MCF2L2: variants seen among roughly 807,000 people sequenced by gnomAD.
MCF2L2 encodes the protein MCF.2 cell line derived transforming sequence-like 2.
Under a neutral mutation model 150.2 loss-of-function variants are expected in MCF2L2, and 102 were observed. The ratio of observed to expected loss-of-function variants is 0.68; its 90% CI spans 0.58 to 0.80. The LOEUF (loss-of-function observed/expected upper bound fraction) is 0.80, where lower values mean the gene tolerates loss of function less well. Among genes scored for constraint, MCF2L2 ranks in the 30% least tolerant of loss-of-function variants. The probability of loss-of-function intolerance (pLI) is 0.00; values close to 1 mark genes in which losing one functional copy is unlikely to be tolerated. For synonymous variants in MCF2L2, 465 were observed against 491.3 expected (o/e 0.95, Z 0.71); for missense variants, 1,256 against 1,372.8 (o/e 0.91, Z 1.34).
intron 1 of MCF2L2, among the ~76,000 whole-genome samples, chr3:183,426,145 T>G (rs1203335039): frequency 2.0e-5 from 3 of 152,140 alleles, no homozygotes; most frequent in African/African-American, 7.2e-5. Flanking sequence ...AATTCCTATG[T>G]GTATCCTGCA....
chr3:183,278,700 G>A (rs968779960), intron 14 of MCF2L2, among the ~76,000 whole-genome samples: 23 of 152,136 alleles, frequency 1.5e-4, no homozygotes, highest in Admixed American at 1.3e-4. Flanking sequence ...ATTATAAAAT[G>A]AATTGTGCTC....
At chr3:183,208,705 G>A (rs533957825) in intron 22 of MCF2L2, among the ~76,000 whole-genome samples, 38 of 152,314 alleles carry the variant, frequency 2.5e-4, no homozygotes, top group African/African-American at 8.9e-4. Context: ...ATTTGAAGGG[G>A]ACCAAGACAA....
intron 1 of MCF2L2, among the ~76,000 whole-genome samples, chr3:183,405,743 G>T (rs559681844): frequency 6.6e-6 from 1 of 152,238 alleles, no homozygotes; most frequent in African/African-American, 2.4e-5. Flanking sequence ...TTTAGACAGG[G>T]TCTCACTCTG....
chr3:183,394,521 C>A (rs1714335527), intron 1 of MCF2L2, among the ~76,000 whole-genome samples: 1 of 152,232 alleles, frequency 6.6e-6, no homozygotes, highest in Non-Finnish European at 1.5e-5. Context: ...GGGCATAATG[C>A]ATTTCACTGC....
intron 3 of MCF2L2, among the ~76,000 whole-genome samples, chr3:183,359,003 G>GTTTTTT (rs111465269): frequency 1.1e-4 from 16 of 143,370 alleles, no homozygotes; most frequent in African/African-American, 3.8e-4. Flanking sequence ...AGTTCATTGG[G>GTTTTTT]TTTTTTTTTT....
At position 183,195,081 on chromosome 3, in the gene MCF2L2, C is replaced by A. The variant is rs575284; in HGVS notation, c.2918+141G>T. 3.5e-3 allele frequency: 2,549 copies of A among 727,256 alleles called. 14 individuals are homozygous for A. The highest frequency in any genetic ancestry group is 5.1e-3 in the Non-Finnish European group (2,281 of 444,208). 45.1% of individuals were successfully genotyped at this position (727,256 alleles called of 1,614,324 possible). On this transcript the variant is annotated intron_variant, in intron 26 of 29. Coordinates refer to ENST00000328913, the MANE Select transcript of MCF2L2 (RefSeq NM_015078.4). ...TACAGGCGTGAGCCACTGCGCCCAGCCAATATTTTTTAAAAATTGGAAATC... is the reference window on the plus strand; with the variant it reads ...TACAGGCGTGAGCCACTGCGCCCAGACAATATTTTTTAAAAATTGGAAATC...
intron 1 of MCF2L2, among the ~76,000 whole-genome samples, chr3:183,426,562 G>T (rs1716175543): frequency 6.6e-6 from 1 of 152,154 alleles, no homozygotes; most frequent in African/African-American, 2.4e-5. Flanking sequence ...ACTTGTCCAG[G>T]GAAAGATTCA....
chr3:183,276,986 T>A, intron 14 of MCF2L2, 29 bp from the exon 15 acceptor site: 1 of 1,481,308 alleles, frequency 6.8e-7, no homozygotes, highest in Non-Finnish European at 9.3e-7. Context: ...TGGTAAGATT[T>A]GATATTGTAG....
intron 4 of MCF2L2, among the ~76,000 whole-genome samples, chr3:183,341,024 G>A (rs1730674622): frequency 6.6e-6 from 1 of 152,210 alleles, no homozygotes; most frequent in African/African-American, 2.4e-5. Flanking sequence ...AAGGATTTAA[G>A]TACAGGTAGT....
chr3:183,406,866 A>T (rs1006981841), intron 1 of MCF2L2, among the ~76,000 whole-genome samples: 1 of 152,198 alleles, frequency 6.6e-6, no homozygotes, highest in Non-Finnish European at 1.5e-5. Flanking sequence ...AGAAAAAAAA[A>T]TGTCAACGTT....
intron 3 of MCF2L2, among the ~76,000 whole-genome samples, chr3:183,362,644 T>C (rs962156417): frequency 5.9e-5 from 9 of 151,738 alleles, no homozygotes; most frequent in Admixed American, 2.6e-4. Context: ...TCCCTTCCCT[T>C]AACCTCTGAA....
At position 183,356,461 on chromosome 3, in the gene MCF2L2, C is replaced by T. The variant is rs532050734; in HGVS notation, c.276-14831G>A. Reference sequence around the variant, plus strand: ...CCGGGAGGCAGAGGTTGCAGTGAGTCGAGATTGCGCCACTGCACTCCAGCC... The same window carrying T: ...CCGGGAGGCAGAGGTTGCAGTGAGTTGAGATTGCGCCACTGCACTCCAGCC... On this transcript the variant is annotated intron_variant, in intron 3 of 29. Transcript: ENST00000328913. 3.9e-5 allele frequency among the ~76,000 whole-genome samples: 6 copies of T among 152,134 alleles called. No homozygotes were observed. In the East Asian group the frequency reaches 1.2e-3, roughly 29 times the overall value.
At position 183,179,368 on chromosome 3, in the gene MCF2L2, T is replaced by A. The variant is rs999521642; in HGVS notation, c.*12A>T. On this transcript the variant is annotated 3_prime_UTR_variant, in exon 30 of 30. Transcript: ENST00000328913. The surrounding 1 kb of genome is among the most constrained non-coding windows in gnomAD (Gnocchi z 4.2). ...GCTCTGGAGCCGAGGAGCGGGGGCGTCCGCAGGGAGGTCAGCTCTCCTGGG... is the reference window on the plus strand; with the variant it reads ...GCTCTGGAGCCGAGGAGCGGGGGCGACCGCAGGGAGGTCAGCTCTCCTGGG... The A allele has an allele frequency of 8.3e-6, 12 of 1,445,916 alleles. No individual in the cohort carries two copies. Among genetic ancestry groups the A allele is most frequent in the Non-Finnish European group, 1.0e-5 (11 of 1,100,480 alleles). 89.6% of individuals were successfully genotyped at this position (1,445,916 alleles called of 1,614,324 possible). A position where few individuals can be genotyped will look rare whatever the true frequency, so the allele number is the denominator to read the frequency against.
chr3:183,292,181 G>T (rs1728190286), intron 13 of MCF2L2, among the ~76,000 whole-genome samples: 1 of 152,150 alleles, frequency 6.6e-6, no homozygotes, highest in Non-Finnish European at 1.5e-5. Flanking sequence ...CATGGTGGAA[G>T]ACAAGGGATC....
At chr3:183,376,575 A>G (rs1207052243) in intron 3 of MCF2L2, 1 of 152,264 alleles carries the variant, frequency 6.6e-6, no homozygotes, top group Non-Finnish European at 1.5e-5. Context: ...CCCCTCCGTC[A>G]GGGTCCCCCT....
chr3:183,271,139 T>C (rs1726739870), intron 15 of MCF2L2: 1 of 459,812 alleles, frequency 2.2e-6, no homozygotes, highest in African/African-American at 2.0e-5. Flanking sequence ...TCAAAGAATT[T>C]GTATTTAGAA....
At chr3:183,244,519 T>G (rs1453216410) in intron 15 of MCF2L2, among the ~76,000 whole-genome samples, 1 of 152,168 alleles carries the variant, frequency 6.6e-6, no homozygotes, top group Non-Finnish European at 1.5e-5. Flanking sequence ...TATTCATCTA[T>G]CCTATTAGTT....
intron 14 of MCF2L2, among the ~76,000 whole-genome samples, chr3:183,278,201 T>A (rs1200114715): frequency 3.3e-4 from 49 of 148,490 alleles, no homozygotes; most frequent in African/African-American, 1.2e-3. Context: ...AAAATATATA[T>A]ATATATATAT....
intron 1 of MCF2L2, among the ~76,000 whole-genome samples, chr3:183,390,156 CAACAT>C (rs1162933525): frequency 6.6e-6 from 1 of 152,200 alleles, no homozygotes; most frequent in Non-Finnish European, 1.5e-5. Flanking sequence ...TAAACACAAA[CAACAT>C]AAGTTACTAG....
Sources: gnomAD v4.1 joint callset for allele counts (sites outside exome capture counted in the v4.1 genomes callset) on GRCh38, gnomAD v4.1.1 for gene constraint, Gnocchi (gnomAD v3.1) non-coding constraint, MANE v1.5 for transcripts, NCBI Gene and HGNC (gene_info 2026-07-23, HGNC 2026-07-21) for gene names.